Variants in BCAS3 observed in about 807,000 individuals in gnomAD.
BCAS3 encodes the protein BCAS3 microtubule associated cell migration factor.
A neutral mutation model predicts 116.1 loss-of-function variants in BCAS3; 53 were observed. The observed-to-expected ratio is 0.46, with a 90% CI of 0.37 to 0.57. The LOEUF is 0.57. Ranked by LOEUF, BCAS3 falls within the 20% of genes least tolerant of loss-of-function variation. The pLI, the probability that BCAS3 is intolerant of heterozygous loss-of-function variation, is 0.00. For missense variants in BCAS3, 917 were observed against 1,165.4 expected (o/e 0.79, Z 3.10); for synonymous variants, 391 against 408.2 (o/e 0.96, Z 0.51).
chr17:60,897,912 T>C (rs570391471), intron 10 of BCAS3, among the ~76,000 whole-genome samples: 1 of 151,496 alleles, frequency 6.6e-6, no homozygotes, highest in Non-Finnish European at 1.5e-5. Context: ...ATTTTTATTT[T>C]TTTTTTTGGT....
At chr17:61,250,028 G>T (rs1172250189) in intron 22 of BCAS3, among the ~76,000 whole-genome samples, 1 of 152,086 alleles carries the variant, frequency 6.6e-6, no homozygotes, top group Non-Finnish European at 1.5e-5. Context: ...ACTAGAGAAG[G>T]TTACGAAATG....
chr17:61,049,523 A>G (rs906273400), intron 19 of BCAS3, among the ~76,000 whole-genome samples: 2 of 151,802 alleles, frequency 1.3e-5, no homozygotes, highest in East Asian at 3.9e-4. Flanking sequence ...CAAATTTGAT[A>G]TAAACTATAA....
At chr17:60,847,951 C>G (rs1218972896) in intron 7 of BCAS3, among the ~76,000 whole-genome samples, 1 of 152,142 alleles carries the variant, frequency 6.6e-6, no homozygotes, top group Non-Finnish European at 1.5e-5. Context: ...TATTTGTTTG[C>G]TCCTAAGAGT....
At chr17:61,303,080 C>T (rs1462920750) in intron 22 of BCAS3, among the ~76,000 whole-genome samples, 1 of 152,178 alleles carries the variant, frequency 6.6e-6, no homozygotes, top group African/African-American at 2.4e-5. Context: ...CTGAGATGGA[C>T]CCGAAGCACT....
At chr17:60,975,264 G>A (rs182944905) in intron 14 of BCAS3, among the ~76,000 whole-genome samples, 2 of 151,670 alleles carry the variant, frequency 1.3e-5, no homozygotes, top group Admixed American at 1.3e-4. Flanking sequence ...GCCTCCCAAA[G>A]TGCTGGGATT....
chr17:61,034,717 A>G lies in BCAS3; in HGVS notation c.1689A>G (p.Glu563=). The G allele has an allele frequency of 1.2e-6, 2 of 1,612,782 alleles. No homozygotes were observed. Among genetic ancestry groups the G allele is most frequent in the South Asian group, 1.1e-5 (1 of 90,974 alleles). Residue 563 remains glutamate (E), a synonymous_variant, in exon 17 of 24, where the codon GAA becomes GAG. Coordinates refer to ENST00000407086, the MANE Select transcript of BCAS3 (RefSeq NM_017679.5). This position sits in a 1 kb window ranked among gnomAD's most constrained non-coding sequence, Gnocchi z 5.0. The stretch of plus-strand genomic sequence containing the variant: ...CACCCAGCAAATCGATGGGCGGAGA[A>G]TTTTGTGTGGCTGCTATCTTCGGAA... ...QISPSKSMGG[E]FCVAAIFGTS... is the part of the protein sequence containing the mutation.
At chr17:60,905,030 A>C (rs994896222) in intron 11 of BCAS3, among the ~76,000 whole-genome samples, 2 of 152,230 alleles carry the variant, frequency 1.3e-5, no homozygotes, top group African/African-American at 2.4e-5. Flanking sequence ...ATTATAATAC[A>C]AGAACACTAC....
chr17:60,793,656 G>C (rs138810326), intron 6 of BCAS3, among the ~76,000 whole-genome samples: 2 of 152,168 alleles, frequency 1.3e-5, no homozygotes, highest in African/African-American at 4.8e-5. Flanking sequence ...TATGATGGTT[G>C]GTTTTCCATT....
chr17:61,335,063 T>C (rs1345235522), intron 22 of BCAS3, among the ~76,000 whole-genome samples: 1 of 152,238 alleles, frequency 6.6e-6, no homozygotes. Context: ...ACCGGAGTTC[T>C]TCCTCAGGCA....
At position 61,240,990 on chromosome 17, in the gene BCAS3, C is replaced by G. The variant is rs2047462719; in HGVS notation, c.2426-127337C>G. ...TATGCCACTCTTACTGGGGAGCTTTCTCTTGTTTGGGCATGACAGGATTTT... is the reference window on the plus strand; with the variant it reads ...TATGCCACTCTTACTGGGGAGCTTTGTCTTGTTTGGGCATGACAGGATTTT... On this transcript the variant is annotated intron_variant, in intron 22 of 23. Transcript: ENST00000407086. Among the ~76,000 whole-genome samples, 3 of 152,192 alleles carry G rather than the reference C, an allele frequency of 2.0e-5. No individual in the cohort carries two copies. In the South Asian group the frequency reaches 6.2e-4, roughly 32 times the overall value.
At chr17:60,837,795 G>C (rs1235286072) in intron 7 of BCAS3, among the ~76,000 whole-genome samples, 1 of 151,812 alleles carries the variant, frequency 6.6e-6, no homozygotes, top group Non-Finnish European at 1.5e-5. Context: ...CTGGGAACAG[G>C]TGCGTGCCAC....
At chr17:61,301,747 A>G (rs2144743867) in intron 22 of BCAS3, among the ~76,000 whole-genome samples, 1 of 152,320 alleles carries the variant, frequency 6.6e-6, no homozygotes, top group South Asian at 2.1e-4. Flanking sequence ...AGTTAACAAA[A>G]ACATAGGAGT....
rs569270422 is a variant in BCAS3 at position 60,831,542 on chromosome 17, G to C, written c.476+23466G>C. Among the ~76,000 whole-genome samples, 9 of 152,244 alleles carry C rather than the reference G, an allele frequency of 5.9e-5. No individual in the cohort carries two copies. In the East Asian group the frequency reaches 1.5e-3, roughly 26 times the overall value. ...TAGAAAACAATTGTTGTGACAAGTG[G>C]TTTTCTTTTCATTTATATAATTTTA... On this transcript the variant is annotated intron_variant, in intron 7 of 23. Transcript: ENST00000407086.
At chr17:60,897,912 T>A (rs570391471) in intron 10 of BCAS3, among the ~76,000 whole-genome samples, 3 of 151,614 alleles carry the variant, frequency 2.0e-5, no homozygotes, top group South Asian at 4.2e-4. Flanking sequence ...ATTTTTATTT[T>A]TTTTTTTGGT....
rs1254590810 is a variant in BCAS3, at chr17:61,181,592, C to A, written c.2425+97028C>A. On this transcript the variant is annotated intron_variant, in intron 22 of 23. Coordinates refer to ENST00000407086, the MANE Select transcript of BCAS3 (RefSeq NM_017679.5). The surrounding 1 kb of genome is among the most constrained non-coding windows in gnomAD (Gnocchi z 5.0). ...AGAAAATATCCACTAATTGGTGTTT[C>A]TTTCTGAGTTGCCAAATGCTGAGAA... Among the ~76,000 whole-genome samples the A allele has an allele frequency of 6.6e-6, 1 of 152,104 alleles. No homozygotes were observed. Among genetic ancestry groups the A allele is most frequent in the Non-Finnish European group, 1.5e-5 (1 of 68,006 alleles).
intron 7 of BCAS3, among the ~76,000 whole-genome samples, chr17:60,815,057 A>G (rs1456204287): frequency 2.0e-5 from 3 of 152,222 alleles, no homozygotes; most frequent in Admixed American, 6.5e-5. Flanking sequence ...ATGTCCATCA[A>G]TGATAGACTG....
intron 5 of BCAS3, among the ~76,000 whole-genome samples, chr17:60,710,567 G>A (rs1229592716): frequency 1.3e-5 from 2 of 151,752 alleles, no homozygotes; most frequent in African/African-American, 2.4e-5. Flanking sequence ...AAGTAGCTGG[G>A]ACTATAGGCG....
chr17:61,210,210 A>G (rs2081375924), intron 22 of BCAS3, among the ~76,000 whole-genome samples: 1 of 152,224 alleles, frequency 6.6e-6, no homozygotes, highest in Admixed American at 6.5e-5. Context: ...ATTGGCACCT[A>G]TTGACCTGAT....
intron 2 of BCAS3, among the ~76,000 whole-genome samples, chr17:60,681,083 G>A (rs951620084): frequency 6.6e-6 from 1 of 152,166 alleles, no homozygotes; most frequent in Non-Finnish European, 1.5e-5. Context: ...CAGGCGCCTG[G>A]AGCCTTAGCT....
Sources: gnomAD v4.1 joint callset for allele counts (sites outside exome capture counted in the v4.1 genomes callset) on GRCh38, gnomAD v4.1.1 for gene constraint, Gnocchi (gnomAD v3.1) non-coding constraint, MANE v1.5 for transcripts, NCBI Gene and HGNC (gene_info 2026-07-23, HGNC 2026-07-21) for gene names.